DAAM2: variants seen among roughly 807,000 people sequenced by gnomAD.
The protein encoded by DAAM2 is disheveled-associated activator of morphogenesis 2.
DAAM2 carries 39 observed loss-of-function variants against 120.7 expected under a neutral mutation model. That is an observed-to-expected ratio of 0.32 (90% confidence interval 0.25 to 0.42). The LOEUF is 0.42. DAAM2 is among the 10% of genes least tolerant of loss of function. DAAM2 has a pLI of 1.00. For synonymous variants in DAAM2, 488 were observed against 524.9 expected (o/e 0.93, Z 0.96); for missense variants, 1,283 against 1,401.7 (o/e 0.92, Z 1.35).
Position 39,901,511 on chromosome 6 carries a change from G to A in DAAM2, c.2982+39G>A, listed in dbSNP as rs1562069536. 1.3e-6 allele frequency: 2 copies of A among 1,578,618 alleles called. No homozygotes were observed. The highest frequency in any genetic ancestry group is 8.6e-7 in the Non-Finnish European group (1 of 1,167,670). ...CCAGGCCTGGGACTGAGGGGAGACG[G>A]GTGCTACTTGGGGAGAACACCCCCA... is the stretch of plus-strand genomic sequence containing the variant. On this transcript the variant is annotated intron_variant, in intron 24 of 24. Transcript: ENST00000274867. The surrounding 1 kb of genome is among the most constrained non-coding windows in gnomAD (Gnocchi z 4.5).
rs541136974 is a variant in DAAM2, at chr6:39,796,501, G to A, written c.-57+4036G>A. Among the ~76,000 whole-genome samples, 26 of 151,882 alleles carry A rather than the reference G, an allele frequency of 1.7e-4. 1 individual carries two copies. Among genetic ancestry groups the A allele is most frequent in the South Asian group, 6.3e-4 (3 of 4,800 alleles). ...AAAACTGCACAGTCAAGATGCTGTG[G>A]GGGGAGGAAGTAAGTGCCTGTTCTT... On this transcript the variant is annotated intron_variant, in intron 1 of 24. Coordinates refer to ENST00000274867, the MANE Select transcript of DAAM2 (RefSeq NM_001201427.2).
chr6:39,848,316 C>T lies in DAAM2; in HGVS notation c.-56-7931C>T, dbSNP rs573628871. 1.2e-4 allele frequency among the ~76,000 whole-genome samples: 19 copies of T among 152,220 alleles called. 1 individual carries two copies. The South Asian group carries it at 3.5e-3, about 28-fold the overall frequency. On this transcript the variant is annotated intron_variant, in intron 1 of 24. Transcript: ENST00000274867. ...CATTGCTTTATACATGGCATTTACT[C>T]GGTGGGTGGGTGGATGAATGGATAA...
intron 1 of DAAM2, among the ~76,000 whole-genome samples, chr6:39,845,309 CACGTGTAT>C (rs1454123945): frequency 4.1e-4 from 2 of 4,836 alleles, no homozygotes; most frequent in Non-Finnish European, 8.5e-4. Context: ...ACACAGATAC[CACGTGTAT>C]ACACCACACA....
Position 39,816,188 on chromosome 6 carries a change from G to A in DAAM2, c.-57+23723G>A, listed in dbSNP as rs559718700. On this transcript the variant is annotated intron_variant, in intron 1 of 24. Transcript: ENST00000274867. ...AAAGAATTTGATCCAGGAGTCTGGG[G>A]CAGAGCCCAAGGCTGCGCATTTCTA... is the stretch of plus-strand genomic sequence containing the variant. Among the ~76,000 whole-genome samples the A allele has an allele frequency of 3.3e-5, 5 of 152,344 alleles. No individual in the cohort carries two copies. The South Asian group carries it at 6.2e-4, about 19-fold the overall frequency.
chr6:39,849,960 C>T (rs1384718698), intron 1 of DAAM2, among the ~76,000 whole-genome samples: 3 of 152,194 alleles, frequency 2.0e-5, no homozygotes, highest in African/African-American at 7.2e-5. Context: ...CAATGTCCGC[C>T]TGTGGAGCAG....
rs1763985127 is a variant in DAAM2 at position 39,855,986 on chromosome 6, A to C, written c.-56-261A>C. 3 of 968,662 alleles carry C rather than the reference A, an allele frequency of 3.1e-6. No individual in the cohort carries two copies. The African/African-American group carries it at 5.3e-5, about 17-fold the overall frequency. The allele number at this position is 968,662 out of a possible 1,614,324, so 60.0% of individuals were successfully genotyped here. A position where few individuals can be genotyped will look rare whatever the true frequency, so the allele number is the denominator to read the frequency against. ...CCTTTGTCCTTCTCTGAGGGCAAGG[A>C]AGGGGAATATGAAAGTGTCTTGGCA... is the stretch of plus-strand genomic sequence containing the variant. On this transcript the variant is annotated intron_variant, in intron 1 of 24. Transcript: ENST00000274867.
intron 1 of DAAM2, among the ~76,000 whole-genome samples, chr6:39,809,276 ACT>A (rs1252223449): frequency 6.6e-6 from 1 of 152,040 alleles, no homozygotes; most frequent in Non-Finnish European, 1.5e-5. Flanking sequence ...GGGAGTGGGC[ACT>A]CTGAAATTTC....
intron 1 of DAAM2, among the ~76,000 whole-genome samples, chr6:39,845,076 T>G (rs1280853950): frequency 8.0e-6 from 1 of 124,520 alleles, no homozygotes; most frequent in Non-Finnish European, 1.7e-5. Flanking sequence ...TTACCACACA[T>G]ACATATACAA....
chr6:39,813,148 G>C (rs1429902250), intron 1 of DAAM2, among the ~76,000 whole-genome samples: 4 of 150,042 alleles, frequency 2.7e-5, no homozygotes. Flanking sequence ...GAGGCAGATT[G>C]TGTGTGTGTG....
At chr6:39,803,471 C>T (rs574365241) in intron 1 of DAAM2, among the ~76,000 whole-genome samples, 13 of 152,274 alleles carry the variant, frequency 8.5e-5, no homozygotes, top group Admixed American at 5.2e-4. Context: ...CAGGCATTTT[C>T]GCTTACACTG....
chr6:39,843,205 T>C (rs962040688), intron 1 of DAAM2, among the ~76,000 whole-genome samples: 2 of 152,098 alleles, frequency 1.3e-5, no homozygotes, highest in African/African-American at 2.4e-5. Flanking sequence ...GAGTTGGAGA[T>C]AAAAATGTCC....
At position 39,846,728 on chromosome 6, in the gene DAAM2, G is replaced by A. The variant is rs559242758; in HGVS notation, c.-56-9519G>A. On this transcript the variant is annotated intron_variant, in intron 1 of 24. Coordinates refer to ENST00000274867, the MANE Select transcript of DAAM2 (RefSeq NM_001201427.2). ...TTTTTTTTTTTTGAGACGGGGTCTC[G>A]CTCTGTTGCCCCACATCCACACTTT... 1.8e-4 allele frequency among the ~76,000 whole-genome samples: 27 copies of A among 147,352 alleles called. No individual in the cohort carries two copies. In the East Asian group the frequency reaches 3.0e-3, roughly 16 times the overall value.
At chr6:39,830,718 G>A (rs1236541521) in intron 1 of DAAM2, among the ~76,000 whole-genome samples, 2 of 152,178 alleles carry the variant, frequency 1.3e-5, no homozygotes, top group East Asian at 1.9e-4. Context: ...CCAGGCCCAG[G>A]CAGCAGGAGG....
Position 39,878,652 on chromosome 6 carries a change from C to G in DAAM2, c.1545+64C>G. ...ACCCTGGGCTTCAGGACTGGGTGGG[C>G]AGAGCAGGTGTCGGAGAGGCCAAGG... On this transcript the variant is annotated intron_variant, in intron 13 of 24. Transcript: ENST00000274867. The surrounding 1 kb of genome is among the most constrained non-coding windows in gnomAD (Gnocchi z 5.0). 6.6e-7 allele frequency: 1 copy of G among 1,504,270 alleles called. No homozygotes were observed. Among genetic ancestry groups the G allele is most frequent in the East Asian group, 2.5e-5 (1 of 40,774 alleles). The allele number at this position is 1,504,270 out of a possible 1,614,324, so 93.2% of individuals were successfully genotyped here.
intron 5 of DAAM2, among the ~76,000 whole-genome samples, chr6:39,867,103 C>T (rs1764462188): frequency 6.6e-6 from 1 of 152,164 alleles, no homozygotes; most frequent in African/African-American, 2.4e-5. Context: ...TGTAGCTTCC[C>T]TAGGCTTAAC....
chr6:39,875,868 T>C (rs564591475), intron 11 of DAAM2, among the ~76,000 whole-genome samples: 1 of 152,276 alleles, frequency 6.6e-6, no homozygotes, highest in African/African-American at 2.4e-5. Context: ...CACATTAACG[T>C]AGAACAAGGG....
chr6:39,846,294 T>A (rs951481315), intron 1 of DAAM2, among the ~76,000 whole-genome samples: 1 of 152,116 alleles, frequency 6.6e-6, no homozygotes, highest in African/African-American at 2.4e-5. Context: ...AATGAGTGAA[T>A]GATGAACTAA....
intron 8 of DAAM2, among the ~76,000 whole-genome samples, chr6:39,870,992 A>T (rs1764637899): frequency 6.6e-6 from 1 of 152,140 alleles, no homozygotes; most frequent in Admixed American, 6.5e-5. Flanking sequence ...GAACAAGTGG[A>T]TGTGTGCATG....
At position 39,900,156 on chromosome 6, in the gene DAAM2, C is replaced by CCAGCTT. The variant is rs1356614376; in HGVS notation, c.2767_2772dup (p.Phe924_Ser925dup). ...GTCATGAGCGACTTCATCACGGTGTCCAGCTTCAGCTTCTCCGAGCTGGAG... is the reference window on the plus strand; with the variant it reads ...GTCATGAGCGACTTCATCACGGTGTCCAGCTTCAGCTTCAGCTTCTCCGAGCTGGAG... On this transcript the variant is annotated inframe_insertion, in exon 23 of 25. Transcript: ENST00000274867. 6.2e-7 allele frequency: 1 copy of CCAGCTT among 1,606,214 alleles called. No individual in the cohort carries two copies. The highest frequency in any genetic ancestry group is 8.5e-7 in the Non-Finnish European group (1 of 1,176,514).
Sources: gnomAD v4.1 joint callset for allele counts (sites outside exome capture counted in the v4.1 genomes callset) on GRCh38, gnomAD v4.1.1 for gene constraint, Gnocchi (gnomAD v3.1) non-coding constraint, MANE v1.5 for transcripts, NCBI Gene and HGNC (gene_info 2026-07-23, HGNC 2026-07-21) for gene names.